SLC25A27: variants seen among roughly 807,000 people sequenced by gnomAD.
SLC25A27 encodes the protein mitochondrial uncoupling protein 4.
Under a neutral mutation model 49.1 loss-of-function variants are expected in SLC25A27, and 35 were observed. That is an observed-to-expected ratio of 0.71 (90% CI 0.54 to 0.95). SLC25A27 has a LOEUF of 0.95. SLC25A27 is among the 40% of genes least tolerant of loss of function. The pLI is 0.00. For missense variants in SLC25A27, 339 were observed against 397.1 expected, an observed-to-expected ratio of 0.85 and a Z score of 1.24; for synonymous variants, 144 against 136.9, an observed-to-expected ratio of 1.05 and a Z score of -0.36.
At chr6:46,662,548 A>G (rs1409439637) in intron 4 of SLC25A27, 50 bp downstream of exon 4, 1 of 1,594,156 alleles carries the variant, frequency 6.3e-7, no homozygotes, top group African/African-American at 1.3e-5. Flanking sequence ...GGCCACCGTC[A>G]TATTTTTAAC....
chr6:46,668,518 TGATACATTTGA>T (rs1307255275), intron 5 of SLC25A27, among the ~76,000 whole-genome samples, 180 bp from the exon 6 acceptor site: 1 of 152,226 alleles, frequency 6.6e-6, no homozygotes, highest in Non-Finnish European at 1.5e-5. Flanking sequence ...GGAGTCTAAA[TGATACATTTGA>T]CTTTCTGTCT....
At chr6:46,658,876 G>T (rs777395595) in intron 2 of SLC25A27, 86 bp from the exon 3 acceptor site, 3 of 943,218 alleles carry the variant, frequency 3.2e-6, no homozygotes, top group Admixed American at 1.7e-5. Context: ...ACTAGGCCAT[G>T]TCGGAATGTC....
chr6:46,660,587 GATTTGGAAGCAGTTAAGTAGGTTATGAT>G, intron 3 of SLC25A27, among the ~76,000 whole-genome samples: 1 of 152,080 alleles, frequency 6.6e-6, no homozygotes, highest in East Asian at 1.9e-4. Context: ...TTAAACTATT[GATTTGGAAGCAGTTAAGTAGGTTATGAT>G]ATATTTATGG....
intron 1 of SLC25A27, among the ~76,000 whole-genome samples, chr6:46,655,489 A>G (rs1762940171): frequency 6.7e-6 from 1 of 149,452 alleles, no homozygotes; most frequent in Non-Finnish European, 1.5e-5. Flanking sequence ...ATTTCTGAAT[A>G]GAAAGAACCC....
Position 46,659,285 on chromosome 6 carries a change from T to C in SLC25A27, c.383+239T>C, listed in dbSNP as rs994922215. On this transcript the variant is annotated intron_variant, in intron 3 of 8. Coordinates refer to ENST00000371347, the MANE Select transcript of SLC25A27 (RefSeq NM_004277.5). Reference sequence around the variant, plus strand: ...TATTTTACTGTTGAAAGAATTCTTATAGAGTACCTTTTTATTCCTCTTTTT... The same window carrying C: ...TATTTTACTGTTGAAAGAATTCTTACAGAGTACCTTTTTATTCCTCTTTTT... 4.6e-5 allele frequency among the ~76,000 whole-genome samples: 7 copies of C among 152,336 alleles called. No homozygotes were observed. The Middle Eastern group carries it at 0.01, about 222-fold the overall frequency.
intron 5 of SLC25A27, among the ~76,000 whole-genome samples, chr6:46,665,407 C>T (rs973682175): frequency 2.0e-5 from 3 of 151,778 alleles, no homozygotes; most frequent in African/African-American, 7.3e-5. Context: ...TCCCCTCCGC[C>T]GGGTGCGGTG....
intron 2 of SLC25A27, among the ~76,000 whole-genome samples, chr6:46,657,047 TC>T (rs996598184): frequency 2.3e-4 from 35 of 152,202 alleles, no homozygotes; most frequent in African/African-American, 8.4e-4. Context: ...ATGACTGTAG[TC>T]CCCACTACTT....
At chr6:46,659,563 G>C (rs1763094220) in intron 3 of SLC25A27, among the ~76,000 whole-genome samples, 2 of 152,104 alleles carry the variant, frequency 1.3e-5, no homozygotes, top group South Asian at 4.1e-4. Context: ...TAGAAATATA[G>C]AAAACACACG....
At chr6:46,654,573 G>A (rs979954243) in intron 1 of SLC25A27, among the ~76,000 whole-genome samples, 2 of 152,144 alleles carry the variant, frequency 1.3e-5, no homozygotes, top group African/African-American at 4.8e-5. Flanking sequence ...ATTGTGTGTG[G>A]AGAATGGATG....
intron 6 of SLC25A27, among the ~76,000 whole-genome samples, chr6:46,669,504 C>A (rs1763442577): frequency 1.3e-5 from 2 of 152,196 alleles, no homozygotes; most frequent in South Asian, 4.1e-4. Flanking sequence ...ACTTCCTATG[C>A]TATTTAGATG....
At chr6:46,653,561 C>T (rs1762848330) in intron 1 of SLC25A27, 2 of 985,324 alleles carry the variant, frequency 2.0e-6, no homozygotes, top group Non-Finnish European at 2.4e-6. Context: ...TAAGAAGCTT[C>T]GCGAGCTGTC....
intron 2 of SLC25A27, 65 bp downstream of exon 2, chr6:46,656,099 T>G: frequency 7.2e-7 from 1 of 1,381,240 alleles, no homozygotes; most frequent in Non-Finnish European, 9.9e-7. Context: ...TGTGCTTTTC[T>G]GTTTGTCCAA....
At chr6:46,676,301 C>A in intron 8 of SLC25A27, 82 bp from the exon 9 acceptor site, 2 of 1,297,924 alleles carry the variant, frequency 1.5e-6, no homozygotes, top group East Asian at 2.4e-5. Context: ...ATGACTTTGT[C>A]ATTCAAATAT....
chr6:46,667,361 T>A (rs1156833404), intron 5 of SLC25A27, among the ~76,000 whole-genome samples: 1 of 152,194 alleles, frequency 6.6e-6, no homozygotes, highest in Non-Finnish European at 1.5e-5. Context: ...TGTTTTCCTG[T>A]AGTCTACTCT....
At chr6:46,670,090 A>G in intron 6 of SLC25A27, 45 bp from the exon 7 acceptor site, 2 of 1,283,304 alleles carry the variant, frequency 1.6e-6, no homozygotes, top group South Asian at 1.3e-5. Flanking sequence ...CTAAGCTACA[A>G]ACTACTACAT....
At chr6:46,668,836 C>G (rs563818543) in intron 6 of SLC25A27, 43 bp downstream of exon 6, 2 of 1,076,858 alleles carry the variant, frequency 1.9e-6, no homozygotes, top group South Asian at 1.4e-5. Context: ...TTTTTTGTAT[C>G]ACTTTTTCTT....
chr6:46,667,735 A>T (rs747529749), intron 5 of SLC25A27, among the ~76,000 whole-genome samples: 13 of 152,074 alleles, frequency 8.5e-5, no homozygotes, highest in Non-Finnish European at 1.6e-4. Context: ...AATAGAAACT[A>T]TTCCTCCCTA....
intron 3 of SLC25A27, among the ~76,000 whole-genome samples, chr6:46,662,071 C>T (rs1460173257): frequency 6.6e-6 from 1 of 152,098 alleles, no homozygotes; most frequent in Non-Finnish European, 1.5e-5. Flanking sequence ...AGTTTTTATT[C>T]CCCTGTAGTT....
rs1444534786 is a variant in SLC25A27, at chr6:46,659,064, A to C, written c.383+18A>C. On this transcript the variant is annotated intron_variant, in intron 3 of 8. Transcript: ENST00000371347. Reference sequence around the variant, plus strand: ...CCCCTTTGGTAAGTTTTGTTTGGAAAATAATATGCTGTTGCCCCAAATGCC... The same window carrying C: ...CCCCTTTGGTAAGTTTTGTTTGGAACATAATATGCTGTTGCCCCAAATGCC... The C allele has an allele frequency of 6.5e-7, 1 of 1,538,524 alleles. No individual in the cohort carries two copies. The highest frequency in any genetic ancestry group is 9.0e-7 in the Non-Finnish European group (1 of 1,115,922).
Sources: allele counts gnomAD v4.1 joint callset (sites outside exome capture counted in the v4.1 genomes callset), GRCh38; gene constraint gnomAD v4.1.1; transcripts MANE v1.5; gene names NCBI Gene and HGNC (gene_info 2026-07-23, HGNC 2026-07-21).